TRPC5: variants seen among roughly 807,000 people sequenced by gnomAD.
The protein encoded by TRPC5 is short transient receptor potential channel 5.
A neutral mutation model predicts 56.5 loss-of-function variants in TRPC5; 9 were observed. That is an observed-to-expected ratio of 0.16 (90% CI 0.10 to 0.28). The LOEUF (loss-of-function observed/expected upper bound fraction) is 0.28. Among genes scored for constraint, TRPC5 ranks in the 10% least tolerant of loss-of-function variants. The probability of loss-of-function intolerance (pLI) is 1.00; values close to 1 mark genes in which losing one functional copy is unlikely to be tolerated. For synonymous variants in TRPC5, 282 were observed against 278.5 expected, an observed-to-expected ratio of 1.01 and a Z score of -0.13; for missense variants, 469 against 748.9, an observed-to-expected ratio of 0.63 and a Z score of 4.36.
intron 2 of TRPC5, among the ~76,000 whole-genome samples, chrX:111,926,700 A>G (rs780835318): frequency 9.8e-5 from 11 of 112,093 alleles, no homozygotes; most frequent in Non-Finnish European, 5.6e-5. Flanking sequence ...AGTTGCCACT[A>G]TTCATATTTC....
intron 3 of TRPC5, among the ~76,000 whole-genome samples, chrX:111,858,446 C>A (rs989495446): frequency 9.2e-6 from 1 of 108,847 alleles, no homozygotes; most frequent in Non-Finnish European, 1.9e-5. Flanking sequence ...CGACAGTCAA[C>A]AGGTTTACTT....
At chrX:111,860,337 ACT>A (rs1923372419) in intron 3 of TRPC5, among the ~76,000 whole-genome samples, 1 of 112,459 alleles carries the variant, frequency 8.9e-6, no homozygotes, top group South Asian at 3.6e-4. Context: ...AGTTTTCTTG[ACT>A]CTGAAAAATG....
intron 1 of TRPC5, among the ~76,000 whole-genome samples, chrX:112,065,077 C>CAAAA (rs61593071): frequency 2.2e-5 from 1 of 46,387 alleles, no homozygotes; most frequent in African/African-American, 7.0e-5. Flanking sequence ...GACTACGTCT[C>CAAAA]AAAAAAAAAA....
chrX:111,778,140 C>T (rs1269510933), intron 10 of TRPC5, among the ~76,000 whole-genome samples: 9 of 110,323 alleles, frequency 8.2e-5, no homozygotes, highest in Non-Finnish European at 1.5e-4. Context: ...CACACAGGGG[C>T]CTGTCAGGTG....
chrX:112,058,561 C>T (rs1930391136), intron 1 of TRPC5, among the ~76,000 whole-genome samples: 1 of 111,302 alleles, frequency 9.0e-6, no homozygotes, highest in African/African-American at 3.3e-5. Context: ...GGATATTATT[C>T]CCTTATACCA....
chrX:111,908,179 G>C (rs761307387), intron 3 of TRPC5, among the ~76,000 whole-genome samples: 1 of 111,739 alleles, frequency 8.9e-6, no homozygotes, highest in Admixed American at 9.5e-5. Context: ...TCACAGATTA[G>C]GAAGGATTAC....
chrX:111,784,364 T>C (rs762544078), intron 7 of TRPC5, among the ~76,000 whole-genome samples: 15 of 112,207 alleles, frequency 1.3e-4, no homozygotes, highest in Admixed American at 1.9e-4. Flanking sequence ...AGATAACTCA[T>C]AGAACGTGAG....
At chrX:111,783,039 A>G (rs1299800795) in intron 7 of TRPC5, among the ~76,000 whole-genome samples, 1 of 112,107 alleles carries the variant, frequency 8.9e-6, no homozygotes, top group Non-Finnish European at 1.9e-5. Flanking sequence ...AAAATGTCAT[A>G]TAAATGGAAT....
chrX:111,909,454 T>C (rs1323452878), intron 3 of TRPC5, among the ~76,000 whole-genome samples: 1 of 111,313 alleles, frequency 9.0e-6, no homozygotes, highest in Non-Finnish European at 1.9e-5. Context: ...CCAAAACTTG[T>C]GCATCTTCAA....
chrX:112,036,068 C>T (rs1345667277), intron 1 of TRPC5, among the ~76,000 whole-genome samples: 3 of 110,721 alleles, frequency 2.7e-5, no homozygotes, highest in Admixed American at 9.6e-5. Context: ...TATACTGAGC[C>T]CAGAAAGCAG....
intron 1 of TRPC5, among the ~76,000 whole-genome samples, chrX:111,995,734 T>C (rs1367500391): frequency 8.9e-6 from 1 of 111,858 alleles, no homozygotes; most frequent in Non-Finnish European, 1.9e-5. Context: ...TTCTTCTAGA[T>C]TTTCTAGTTT....
chrX:112,044,202 G>T (rs1213059201), intron 1 of TRPC5, among the ~76,000 whole-genome samples: 2 of 111,509 alleles, frequency 1.8e-5, no homozygotes, highest in Non-Finnish European at 3.8e-5. Context: ...GCCACCTGTT[G>T]TTTGTGTATC....
intron 1 of TRPC5, among the ~76,000 whole-genome samples, chrX:111,958,055 G>T (rs1295788683): frequency 8.9e-6 from 1 of 111,820 alleles, no homozygotes; most frequent in Non-Finnish European, 1.9e-5. Context: ...GCTCAGATGT[G>T]GGTATATAAA....
chrX:111,966,127 T>TA (rs1189517855), intron 1 of TRPC5, among the ~76,000 whole-genome samples: 1 of 110,849 alleles, frequency 9.0e-6, no homozygotes, highest in Non-Finnish European at 1.9e-5. Flanking sequence ...ATAGATGCAA[T>TA]AAAAAATGAT....
intron 7 of TRPC5, among the ~76,000 whole-genome samples, chrX:111,799,427 C>T (rs1045424895): frequency 1.8e-5 from 2 of 111,078 alleles, no homozygotes; most frequent in African/African-American, 6.5e-5. Context: ...AGTTCAACAC[C>T]AAAGACATCA....
At chrX:112,076,027 G>C (rs185427412) in intron 1 of TRPC5, among the ~76,000 whole-genome samples, 105 of 112,021 alleles carry the variant, frequency 9.4e-4, no homozygotes, top group South Asian at 4.9e-3. Context: ...GTTTTAAATT[G>C]ATAAGGTTGT....
At chrX:111,814,058 T>C (rs940628374) in intron 7 of TRPC5, among the ~76,000 whole-genome samples, 9 of 112,594 alleles carry the variant, frequency 8.0e-5, no homozygotes, top group Non-Finnish European at 1.5e-4. Flanking sequence ...CATTGTATTG[T>C]AGTTTTGCTT....
At chrX:111,940,914 G>T (rs758034469) in intron 2 of TRPC5, among the ~76,000 whole-genome samples, 2 of 111,125 alleles carry the variant, frequency 1.8e-5, no homozygotes, top group Non-Finnish European at 3.8e-5. Flanking sequence ...ACTGGTCCTG[G>T]TGGGTTTACA....
intron 3 of TRPC5, among the ~76,000 whole-genome samples, chrX:111,866,035 G>T (rs1454783190): frequency 8.9e-6 from 1 of 112,974 alleles, no homozygotes; most frequent in Non-Finnish European, 1.9e-5. Flanking sequence ...AGAGCCCAAG[G>T]TCACATTTCT....
Sources: gnomAD v4.1 joint callset for allele counts (sites outside exome capture counted in the v4.1 genomes callset) on GRCh38, gnomAD v4.1.1 for gene constraint, MANE v1.5 for transcripts, NCBI Gene and HGNC (gene_info 2026-07-23, HGNC 2026-07-21) for gene names.